DRC11: variants seen among roughly 807,000 people sequenced by gnomAD.
The protein encoded by DRC11 is dynein regulatory complex subunit 11.
the DRC11 span, among the ~76,000 whole-genome samples, chr2:236,317,349 G>A: frequency 4.6e-5 from 7 of 152,054 alleles, no homozygotes; most frequent in Non-Finnish European, 1.0e-4. This position sits in a 1 kb window ranked among gnomAD's most constrained non-coding sequence, Gnocchi z 5.4. Flanking sequence ...GGAAGCCTAA[G>A]TATGGCATCT....
the DRC11 span, among the ~76,000 whole-genome samples, chr2:236,357,390 T>TTATAAA: frequency 1.6e-3 from 187 of 114,008 alleles, 3 homozygotes; most frequent in African/African-American, 7.2e-3. Flanking sequence ...AGTATAGATA[T>TTATAAA]TATATAGTAT....
the DRC11 span, among the ~76,000 whole-genome samples, chr2:236,311,150 C>T: frequency 6.6e-6 from 1 of 152,308 alleles, no homozygotes; most frequent in African/African-American, 2.4e-5. This position sits in a 1 kb window ranked among gnomAD's most constrained non-coding sequence, Gnocchi z 6.9. Context: ...GGGGAGGCAT[C>T]GGTTTCTAGC....
the DRC11 span, among the ~76,000 whole-genome samples, chr2:236,413,073 C>T: frequency 4.6e-5 from 7 of 152,324 alleles, no homozygotes; most frequent in Admixed American, 3.9e-4. The surrounding 1 kb of genome is among the most constrained non-coding windows in gnomAD (Gnocchi z 4.0). Flanking sequence ...GAAGCCTCCC[C>T]TGCCACTCTG....
the DRC11 span, among the ~76,000 whole-genome samples, chr2:236,448,544 C>A: frequency 1.3e-5 from 2 of 152,074 alleles, no homozygotes; most frequent in Non-Finnish European, 2.9e-5. This position sits in a 1 kb window ranked among gnomAD's most constrained non-coding sequence, Gnocchi z 5.3. Flanking sequence ...CCATGTTGCC[C>A]AGGCTGGTCT....
the DRC11 span, chr2:236,331,549 G>A: frequency 6.2e-7 from 1 of 1,613,924 alleles, no homozygotes; most frequent in Non-Finnish European, 8.5e-7. The surrounding 1 kb of genome is among the most constrained non-coding windows in gnomAD (Gnocchi z 4.8). Context: ...GACATTCAAG[G>A]CACTGGTGAG....
the DRC11 span, chr2:236,407,857 C>T: frequency 8.5e-6 from 3 of 352,970 alleles, no homozygotes; most frequent in Non-Finnish European, 1.7e-5. Flanking sequence ...TAAGCTCCGT[C>T]TTCTACTGCA....
chr2:236,500,524 C>G, the DRC11 span, among the ~76,000 whole-genome samples: 1 of 152,168 alleles, frequency 6.6e-6, no homozygotes, highest in Non-Finnish European at 1.5e-5. The surrounding 1 kb of genome is among the most constrained non-coding windows in gnomAD (Gnocchi z 6.3). Context: ...ATCCCCAGCA[C>G]GTCCGAATGC....
chr2:236,309,363 A>G, the DRC11 span, among the ~76,000 whole-genome samples: 1 of 151,980 alleles, frequency 6.6e-6, no homozygotes, highest in African/African-American at 2.4e-5. This position sits in a 1 kb window ranked among gnomAD's most constrained non-coding sequence, Gnocchi z 5.7. Context: ...TTCCCTTTCT[A>G]CCAAGTCTAG....
At chr2:236,383,796 C>T in the DRC11 span, among the ~76,000 whole-genome samples, 11 of 152,022 alleles carry the variant, frequency 7.2e-5, no homozygotes, top group Admixed American at 1.3e-4. Flanking sequence ...GTATATCTCC[C>T]GATGCTATCC....
At chr2:236,406,257 T>C in the DRC11 span, among the ~76,000 whole-genome samples, 314 of 152,358 alleles carry the variant, frequency 2.1e-3, 2 homozygotes, top group Admixed American at 6.7e-3. The surrounding 1 kb of genome is among the most constrained non-coding windows in gnomAD (Gnocchi z 4.7). Context: ...GTGCGCCTTC[T>C]TCTTGCCCTC....
At chr2:236,407,651 G>A in the DRC11 span, among the ~76,000 whole-genome samples, 1 of 152,120 alleles carries the variant, frequency 6.6e-6, no homozygotes, top group African/African-American at 2.4e-5. Context: ...TTTCTCTGGA[G>A]TGCCCTGACT....
At chr2:236,368,215 A>T in the DRC11 span, 1 of 1,609,292 alleles carries the variant, frequency 6.2e-7, no homozygotes, top group Admixed American at 1.7e-5. Context: ...ATTCCGTACA[A>T]TGTGATGAGC....
At chr2:236,361,749 T>C in the DRC11 span, among the ~76,000 whole-genome samples, 1 of 152,190 alleles carries the variant, frequency 6.6e-6, no homozygotes, top group Non-Finnish European at 1.5e-5. This position sits in a 1 kb window ranked among gnomAD's most constrained non-coding sequence, Gnocchi z 5.7. Context: ...AATGGTAGAC[T>C]GAACTCAATC....
chr2:236,389,275 G>A, the DRC11 span, among the ~76,000 whole-genome samples: 1 of 152,220 alleles, frequency 6.6e-6, no homozygotes. Flanking sequence ...CTGCCGCCTT[G>A]CAGTTTGATC....
chr2:236,392,318 A>T, the DRC11 span: 1 of 1,597,962 alleles, frequency 6.3e-7, no homozygotes, highest in Non-Finnish European at 8.5e-7. The surrounding 1 kb of genome is among the most constrained non-coding windows in gnomAD (Gnocchi z 5.1). Flanking sequence ...TCCTGAGAGA[A>T]ATTCCAAGAC....
At chr2:236,326,586 ACT>A in the DRC11 span, among the ~76,000 whole-genome samples, 1 of 149,186 alleles carries the variant, frequency 6.7e-6, no homozygotes, top group East Asian at 2.0e-4. Flanking sequence ...TTAGCTTCTG[ACT>A]CTCTAAGCTT....
chr2:236,507,354 T>C, the DRC11 span: 2 of 1,376,436 alleles, frequency 1.5e-6, no homozygotes, highest in Non-Finnish European at 2.1e-6. Context: ...GTCAGGGCAC[T>C]ACCAGGAGCT....
chr2:236,341,353 G>A, the DRC11 span, among the ~76,000 whole-genome samples: 2 of 152,192 alleles, frequency 1.3e-5, no homozygotes, highest in Admixed American at 6.5e-5. Context: ...GGGAGGAGAC[G>A]CTACTCTCCT....
chr2:236,327,839 C>A, the DRC11 span, among the ~76,000 whole-genome samples: 1 of 151,992 alleles, frequency 6.6e-6, no homozygotes, highest in African/African-American at 2.4e-5. Context: ...TGTGCCACCA[C>A]GTCCAGCTAA....
Sources: allele counts gnomAD v4.1 joint callset (sites outside exome capture counted in the v4.1 genomes callset), GRCh38; gene constraint gnomAD v4.1.1; non-coding constraint Gnocchi (gnomAD v3.1); transcripts MANE v1.5; gene names NCBI Gene and HGNC (gene_info 2026-07-23, HGNC 2026-07-21).